SH3D19: variants seen among roughly 807,000 people sequenced by gnomAD.
SH3D19 encodes SH3 domain containing 19.
In SH3D19, 58 loss-of-function variants were observed where a neutral mutation model predicts 112.1. That is an observed-to-expected ratio of 0.52 (90% CI 0.42 to 0.64). The LOEUF is 0.64. SH3D19 is among the 30% of genes least tolerant of loss of function. The pLI, the probability that SH3D19 is intolerant of heterozygous loss-of-function variation, is 0.00. For missense variants in SH3D19, 1,090 were observed against 1,263.4 expected, an observed-to-expected ratio of 0.86 and a Z score of 2.08; for synonymous variants, 391 against 448.5, an observed-to-expected ratio of 0.87 and a Z score of 1.62.
At chr4:151,257,768 G>T (rs2149985083) in intron 1 of SH3D19, among the ~76,000 whole-genome samples, 1 of 152,242 alleles carries the variant, frequency 6.6e-6, no homozygotes, top group South Asian at 2.1e-4. Context: ...AATTAGCCAG[G>T]TGTGGTGGCG....
rs138463861 is a variant in SH3D19 at position 151,123,352 on chromosome 4, T to TAA, written c.3028-1146_3028-1145insTT. On this transcript the variant is annotated intron_variant, in intron 19 of 19. Transcript: ENST00000604030. ...GGACCTTTTTACTTAGAAAGGCTTT[T>TAA]ACTGTAATTGCCTTTTATCAACACC... Among the ~76,000 whole-genome samples, 1,013 of 152,328 alleles carry TAA rather than the reference T, an allele frequency of 6.7e-3. 7 individuals are homozygous for TAA. Among genetic ancestry groups the TAA allele is most frequent in the African/African-American group, 0.024 (984 of 41,558 alleles).
chr4:151,198,444 TA>T (rs11337469), intron 2 of SH3D19, among the ~76,000 whole-genome samples: 12,328 of 142,964 alleles, frequency 0.086, 920 homozygotes, highest in African/African-American at 0.2. Context: ...AAAATATATA[TA>T]AAAATATATA....
intron 1 of SH3D19, among the ~76,000 whole-genome samples, chr4:151,274,496 T>C (rs1773442915): frequency 6.6e-6 from 1 of 152,194 alleles, no homozygotes; most frequent in South Asian, 2.1e-4. Flanking sequence ...ATAAGACGTC[T>C]TGGGAGTCTG....
chr4:151,307,931 A>G (rs1269174043), intron 1 of SH3D19, among the ~76,000 whole-genome samples: 1 of 152,166 alleles, frequency 6.6e-6, no homozygotes, highest in Non-Finnish European at 1.5e-5. Context: ...ATTTTTTCAG[A>G]CAGTGTTTTG....
intron 17 of SH3D19, 28 bp from the exon 18 acceptor site, chr4:151,128,384 A>C (rs983148576): frequency 1.5e-5 from 23 of 1,561,574 alleles, no homozygotes; most frequent in Non-Finnish European, 1.8e-5. Flanking sequence ...GTGTGGTCAG[A>C]AGTGTAAGAT....
chr4:151,227,550 C>A (rs2149951857), intron 1 of SH3D19, among the ~76,000 whole-genome samples: 1 of 152,276 alleles, frequency 6.6e-6, no homozygotes, highest in African/African-American at 2.4e-5. Context: ...TTTACCCCTC[C>A]CTTAAATGAA....
intron 1 of SH3D19, among the ~76,000 whole-genome samples, chr4:151,318,389 T>C (rs549132613): frequency 1.5e-4 from 23 of 151,870 alleles, no homozygotes; most frequent in Non-Finnish European, 3.2e-4. Context: ...TTCATATGGC[T>C]TAAGAAATAC....
At chr4:151,258,251 T>C (rs941815193) in intron 1 of SH3D19, among the ~76,000 whole-genome samples, 4 of 152,172 alleles carry the variant, frequency 2.6e-5, no homozygotes, top group Non-Finnish European at 5.9e-5. Context: ...CAGGTAATGA[T>C]TGAGGCACAA....
At chr4:151,139,093 G>A (rs1237766342) in intron 13 of SH3D19, among the ~76,000 whole-genome samples, 2 of 152,008 alleles carry the variant, frequency 1.3e-5, no homozygotes, top group African/African-American at 2.4e-5. Context: ...ACAAAGTGCT[G>A]GGATTACAGG....
intron 1 of SH3D19, among the ~76,000 whole-genome samples, chr4:151,250,182 A>AAT (rs1279533000): frequency 1.3e-5 from 2 of 152,186 alleles, no homozygotes; most frequent in African/African-American, 4.8e-5. Context: ...AGGGGTAAAG[A>AAT]ATATATATAC....
chr4:151,188,609 A>C (rs1202444012), intron 2 of SH3D19, among the ~76,000 whole-genome samples: 1 of 152,214 alleles, frequency 6.6e-6, no homozygotes, highest in East Asian at 1.9e-4. Flanking sequence ...CTCAATCTTA[A>C]TATGGAAGGG....
intron 1 of SH3D19, among the ~76,000 whole-genome samples, chr4:151,324,176 T>C (rs543303108): frequency 6.6e-6 from 1 of 152,326 alleles, no homozygotes; most frequent in South Asian, 2.1e-4. Context: ...AGGCATTAAA[T>C]TGACTATTTC....
intron 2 of SH3D19, among the ~76,000 whole-genome samples, chr4:151,195,923 TAAAAAAA>T (rs564812901): frequency 3.9e-5 from 5 of 127,782 alleles, no homozygotes; most frequent in South Asian, 2.5e-4. Flanking sequence ...GAGAAGTTCT[TAAAAAAA>T]AAAAAAAAAG....
intron 1 of SH3D19, among the ~76,000 whole-genome samples, chr4:151,234,964 G>T (rs1769924523): frequency 6.6e-6 from 1 of 151,726 alleles, no homozygotes; most frequent in African/African-American, 2.4e-5. Context: ...TGCCCAGGCT[G>T]GTCTCGAACT....
intron 1 of SH3D19, among the ~76,000 whole-genome samples, chr4:151,308,738 C>T (rs1019283113): frequency 3.3e-5 from 5 of 152,210 alleles, no homozygotes; most frequent in African/African-American, 1.2e-4. Context: ...ACTGTAGTGT[C>T]ACTAACCATA....
chr4:151,156,826 C>G (rs1216767198), intron 9 of SH3D19, among the ~76,000 whole-genome samples: 1 of 152,120 alleles, frequency 6.6e-6, no homozygotes, highest in African/African-American at 2.4e-5. Flanking sequence ...TTATATCAAC[C>G]AAAAATCTTT....
At chr4:151,314,022 G>C (rs1191297970) in intron 1 of SH3D19, among the ~76,000 whole-genome samples, 1 of 152,150 alleles carries the variant, frequency 6.6e-6, no homozygotes, top group East Asian at 1.9e-4. Context: ...AGCTCTCAGA[G>C]AAAAAGCAGT....
intron 8 of SH3D19, among the ~76,000 whole-genome samples, chr4:151,161,520 G>A (rs1386820298): frequency 1.3e-5 from 2 of 151,532 alleles, no homozygotes; most frequent in Non-Finnish European, 2.9e-5. Context: ...TTTTTTCTTT[G>A]AAGAGGAGCT....
chr4:151,245,163 AAAT>A (rs1554061535), intron 1 of SH3D19, among the ~76,000 whole-genome samples: 4 of 151,368 alleles, frequency 2.6e-5, no homozygotes, highest in Non-Finnish European at 4.4e-5. Context: ...AAATAAAATA[AAAT>A]AATAATAATA....
Sources: allele counts gnomAD v4.1 joint callset (sites outside exome capture counted in the v4.1 genomes callset), GRCh38; gene constraint gnomAD v4.1.1; transcripts MANE v1.5; gene names NCBI Gene and HGNC (gene_info 2026-07-23, HGNC 2026-07-21).